The following CPNE4 variants were observed in gnomAD, a reference collection of about 807,000 sequenced individuals.
CPNE4 encodes copine-4.
In CPNE4, 25 loss-of-function variants were observed where a neutral mutation model predicts 67.9. The ratio of observed to expected loss-of-function variants is 0.37; its 90% CI spans 0.27 to 0.51. The LOEUF (loss-of-function observed/expected upper bound fraction) is 0.51, where lower values mean the gene tolerates loss of function less well. Among genes scored for constraint, CPNE4 ranks in the 20% least tolerant of loss-of-function variants. The pLI, the probability that CPNE4 is intolerant of heterozygous loss-of-function variation, is 0.93. For missense variants in CPNE4, 464 were observed against 690.8 expected (o/e 0.67, Z 3.68); for synonymous variants, 242 against 244.9 (o/e 0.99, Z 0.11).
At chr3:131,646,434 T>C (rs550114568) in intron 7 of CPNE4, among the ~76,000 whole-genome samples, 17 of 152,230 alleles carry the variant, frequency 1.1e-4, no homozygotes, top group African/African-American at 3.6e-4. Flanking sequence ...GCTCACTATA[T>C]ATAGCAGAAA....
intron 2 of CPNE4, among the ~76,000 whole-genome samples, chr3:131,739,720 T>G (rs1200750493): frequency 1.3e-5 from 2 of 152,262 alleles, no homozygotes; most frequent in Non-Finnish European, 2.9e-5. Context: ...GCTATTGTAC[T>G]TACATGCCAC....
At chr3:131,870,094 T>C (rs180946519) in intron 2 of CPNE4, among the ~76,000 whole-genome samples, 1 of 152,202 alleles carries the variant, frequency 6.6e-6, no homozygotes, top group African/African-American at 2.4e-5. Context: ...GACTTGGGGA[T>C]GATAAAAAGA....
At chr3:131,952,906 A>C (rs1411485804) in intron 1 of CPNE4, among the ~76,000 whole-genome samples, 9 of 152,228 alleles carry the variant, frequency 5.9e-5, no homozygotes, top group East Asian at 1.9e-4. Flanking sequence ...AAGAAAAATT[A>C]TTCTGCCTTG....
chr3:131,792,634 C>CGTGTGTATATAT (rs2083766268), intron 2 of CPNE4, among the ~76,000 whole-genome samples: 2 of 87,274 alleles, frequency 2.3e-5, no homozygotes, highest in Admixed American at 1.4e-4. Context: ...TATATATACA[C>CGTGTGTATATAT]ACGTGTATAT....
chr3:131,788,500 T>C (rs1401385568), intron 2 of CPNE4, among the ~76,000 whole-genome samples: 2 of 152,122 alleles, frequency 1.3e-5, no homozygotes, highest in Non-Finnish European at 2.9e-5. Flanking sequence ...AAAAAGGTAA[T>C]ACTCAATGTT....
At chr3:131,890,434 A>G (rs2088067751) in intron 2 of CPNE4, among the ~76,000 whole-genome samples, 1 of 144,796 alleles carries the variant, frequency 6.9e-6, no homozygotes, top group African/African-American at 2.5e-5. Context: ...TTTTTTTTAG[A>G]AAAAAAAAAC....
intron 7 of CPNE4, among the ~76,000 whole-genome samples, chr3:131,661,700 C>G (rs1458694392): frequency 6.6e-6 from 1 of 152,148 alleles, no homozygotes; most frequent in Non-Finnish European, 1.5e-5. Flanking sequence ...ATAAAGAAAG[C>G]ACTTGAATCT....
chr3:131,750,703 A>G (rs1266579973), intron 2 of CPNE4, among the ~76,000 whole-genome samples: 1 of 152,124 alleles, frequency 6.6e-6, no homozygotes, highest in East Asian at 1.9e-4. Flanking sequence ...ATTCAGGAGG[A>G]GAAAAAATGC....
At chr3:131,734,126 C>T (rs1010976475) in intron 2 of CPNE4, among the ~76,000 whole-genome samples, 2 of 152,172 alleles carry the variant, frequency 1.3e-5, no homozygotes, top group Admixed American at 1.3e-4. Flanking sequence ...TCCCAATTGA[C>T]CAAATTGTGA....
chr3:131,626,515 T>G (rs56384303), intron 7 of CPNE4, among the ~76,000 whole-genome samples: 2 of 151,822 alleles, frequency 1.3e-5, no homozygotes, highest in African/African-American at 4.9e-5. Context: ...ATTCTCTTCA[T>G]TTCTCTGAAG....
At chr3:131,700,053 C>CTTTTTTTTTTTTTT (rs1453079495) in intron 3 of CPNE4, 73 bp from the exon 4 acceptor site, 5 of 345,088 alleles carry the variant, frequency 1.4e-5, no homozygotes, top group African/African-American at 4.1e-5. Flanking sequence ...ATTTTTTAAA[C>CTTTTTTTTTTTTTT]CTTTTTTTTT....
At chr3:131,897,441 A>G (rs937410070) in intron 2 of CPNE4, among the ~76,000 whole-genome samples, 1 of 152,176 alleles carries the variant, frequency 6.6e-6, no homozygotes, top group African/African-American at 2.4e-5. Flanking sequence ...AGAGGAAGAC[A>G]GTGAAGGATA....
chr3:131,982,312 T>C (rs1046640113), intron 1 of CPNE4, among the ~76,000 whole-genome samples: 1 of 152,186 alleles, frequency 6.6e-6, no homozygotes, highest in African/African-American at 2.4e-5. Context: ...GTTGCAAAGA[T>C]ATAAATACAT....
chr3:131,641,886 C>T (rs1199041373), intron 7 of CPNE4, among the ~76,000 whole-genome samples: 2 of 152,128 alleles, frequency 1.3e-5, no homozygotes, highest in East Asian at 1.9e-4. Context: ...GGCTATCATT[C>T]GAAGTGAAGT....
chr3:131,952,264 G>A (rs1197032397), intron 1 of CPNE4, among the ~76,000 whole-genome samples: 1 of 151,544 alleles, frequency 6.6e-6, no homozygotes, highest in Non-Finnish European at 1.5e-5. Context: ...GAACCCGTAT[G>A]GGAGGTGAAG....
At chr3:131,841,774 C>A (rs1268191857) in intron 2 of CPNE4, among the ~76,000 whole-genome samples, 13 of 152,150 alleles carry the variant, frequency 8.5e-5, no homozygotes. Flanking sequence ...GCTGGGAGTG[C>A]AGTTAGCAAT....
At chr3:131,732,999 A>G (rs1429954891) in intron 2 of CPNE4, among the ~76,000 whole-genome samples, 16 of 152,232 alleles carry the variant, frequency 1.1e-4, no homozygotes, top group Admixed American at 1.0e-3. Flanking sequence ...ATGGGTATGC[A>G]CCAAGAATTA....
At chr3:131,633,914 A>G (rs1256600403) in intron 7 of CPNE4, among the ~76,000 whole-genome samples, 1 of 152,152 alleles carries the variant, frequency 6.6e-6, no homozygotes, top group Non-Finnish European at 1.5e-5. Flanking sequence ...GGATTACATT[A>G]TTTAAATTGT....
rs879611119 is a variant in CPNE4, at chr3:131,861,449, T to A, written c.180+43815A>T. Among the ~76,000 whole-genome samples the A allele has an allele frequency of 9.4e-3, 1,370 of 146,464 alleles. 13 individuals carry two copies. Among genetic ancestry groups the A allele is most frequent in the Non-Finnish European group, 0.014 (912 of 66,386 alleles). On this transcript the variant is annotated intron_variant, in intron 2 of 15. Transcript: ENST00000429747. ...GTGTGTGTGTGTGTGTGTGTGTGTG[T>A]GACGGAATTTTGCTGTTGTTGCCCA...
Sources: gnomAD v4.1 joint callset for allele counts (sites outside exome capture counted in the v4.1 genomes callset) on GRCh38, gnomAD v4.1.1 for gene constraint, MANE v1.5 for transcripts, NCBI Gene and HGNC (gene_info 2026-07-23, HGNC 2026-07-21) for gene names.